MGAT4C: variants seen among roughly 807,000 people sequenced by gnomAD.
The protein encoded by MGAT4C is alpha-1,3-mannosyl-glycoprotein 4-beta-N-acetylglucosaminyltransferase C.
A neutral mutation model predicts 40.1 loss-of-function variants in MGAT4C; 19 were observed. The ratio of observed to expected loss-of-function variants is 0.47; its 90% CI spans 0.33 to 0.70. MGAT4C has a LOEUF of 0.70. MGAT4C is among the 30% of genes least tolerant of loss of function. The pLI, the probability that MGAT4C is intolerant of heterozygous loss-of-function variation, is 0.02. For missense variants in MGAT4C, 491 were observed against 563.2 expected, an observed-to-expected ratio of 0.87 and a Z score of 1.30; for synonymous variants, 181 against 187.1, an observed-to-expected ratio of 0.97 and a Z score of 0.27.
rs11103970 is a variant in MGAT4C, at chr12:86,490,312, C to A, written c.-228-55047G>T. ...GAATTTTCAACCCAGAATTTCATATCCAGGCAAACTAAGCTTCATAAGTGA... is the reference window on the plus strand; with the variant it reads ...GAATTTTCAACCCAGAATTTCATATACAGGCAAACTAAGCTTCATAAGTGA... On this transcript the variant is annotated intron_variant, in intron 2 of 7. Coordinates refer to the MGAT4C transcript ENST00000548651. Among the ~76,000 whole-genome samples, 601 of 152,046 alleles carry A rather than the reference C, an allele frequency of 4.0e-3. 3 individuals are homozygous for A. Among genetic ancestry groups the A allele is most frequent in the Non-Finnish European group, 7.1e-3 (485 of 67,980 alleles).
At chr12:86,757,391 T>G (rs1424636869) in intron 1 of MGAT4C, among the ~76,000 whole-genome samples, 1 of 152,128 alleles carries the variant, frequency 6.6e-6, no homozygotes, top group East Asian at 1.9e-4. Context: ...TAAATTACTA[T>G]ATTAAAAAAT....
intron 2 of MGAT4C, among the ~76,000 whole-genome samples, chr12:86,677,035 T>C (rs1457078919): frequency 1.3e-5 from 2 of 152,080 alleles, no homozygotes; most frequent in East Asian, 3.9e-4. Context: ...TGTTCACATT[T>C]AAGTGGCGGA....
At chr12:86,068,077 G>T (rs1277319156) in intron 1 of MGAT4C, 1 of 152,178 alleles carries the variant, frequency 6.6e-6, no homozygotes, top group East Asian at 1.9e-4. Flanking sequence ...ATCCACTTCA[G>T]TTAATTTGGA....
chr12:85,957,657 C>CAAAAAAA lies in MGAT4C; in HGVS notation c.*21625_*21631dup, dbSNP rs5799763. ...TTTACTGTAGAGTTGAATAAGAAAG[C>CAAAAAAA]AAAAAAAAAAAAAAAAGAAAAAAGA... On this transcript the variant is annotated 3_prime_UTR_variant, in exon 5 of 5. Transcript: ENST00000611864. 1.7e-3 allele frequency: 176 copies of CAAAAAAA among 100,914 alleles called. No individual in the cohort carries two copies. Among genetic ancestry groups the CAAAAAAA allele is most frequent in the East Asian group, 4.1e-3 (13 of 3,158 alleles). 6.3% of individuals were successfully genotyped at this position (100,914 alleles called of 1,614,324 possible).
intron 1 of MGAT4C, among the ~76,000 whole-genome samples, chr12:86,735,107 T>C (rs1003504851): frequency 2.0e-5 from 3 of 152,030 alleles, no homozygotes; most frequent in African/African-American, 4.8e-5. Flanking sequence ...GATGCTTTGC[T>C]ATTCAGGGAT....
chr12:86,221,815 C>G (rs1158822026), intron 1 of MGAT4C, among the ~76,000 whole-genome samples: 1 of 152,220 alleles, frequency 6.6e-6, no homozygotes, highest in Non-Finnish European at 1.5e-5. Flanking sequence ...GTCTGAATCT[C>G]TTCTGGTTCT....
At chr12:86,194,679 G>C (rs1010325225) in intron 1 of MGAT4C, among the ~76,000 whole-genome samples, 6 of 151,730 alleles carry the variant, frequency 4.0e-5, no homozygotes, top group African/African-American at 1.5e-4. Flanking sequence ...GGCCGTGATG[G>C]TCTTGAACTC....
Position 86,662,341 on chromosome 12 carries a change from G to C in MGAT4C, c.-229+64868C>G, listed in dbSNP as rs141794883. 1.6e-3 allele frequency among the ~76,000 whole-genome samples: 237 copies of C among 152,256 alleles called. 1 individual carries two copies. Among genetic ancestry groups the C allele is most frequent in the African/African-American group, 5.6e-3 (232 of 41,544 alleles). Reference sequence around the variant, plus strand: ...TTAGCACATAGTCTTGGCATGGCTTGGGGTGAAAAATTCATATGTGTTTAT... The same window carrying C: ...TTAGCACATAGTCTTGGCATGGCTTCGGGTGAAAAATTCATATGTGTTTAT... On this transcript the variant is annotated intron_variant, in intron 2 of 7. Transcript: ENST00000548651.
At chr12:86,326,161 A>G (rs35931577) in intron 4 of MGAT4C, among the ~76,000 whole-genome samples, 39,932 of 151,832 alleles carry the variant, frequency 0.26, 6,464 homozygotes, top group South Asian at 0.39. Flanking sequence ...TAAGCGGCCA[A>G]CAAATATTTA....
At chr12:86,122,714 T>C (rs944356780) in intron 1 of MGAT4C, among the ~76,000 whole-genome samples, 1 of 152,106 alleles carries the variant, frequency 6.6e-6, no homozygotes, top group Non-Finnish European at 1.5e-5. Context: ...AAAAGAGGGA[T>C]CAACAAAACA....
chr12:86,233,137 G>A (rs370462015), intron 1 of MGAT4C, among the ~76,000 whole-genome samples: 22 of 152,216 alleles, frequency 1.4e-4, no homozygotes, highest in East Asian at 5.8e-4. Flanking sequence ...GTAGTGTTAC[G>A]AATTTTGCAT....
chr12:86,748,299 T>C (rs899480683), intron 1 of MGAT4C, among the ~76,000 whole-genome samples: 3 of 151,606 alleles, frequency 2.0e-5, no homozygotes, highest in Non-Finnish European at 4.4e-5. Context: ...AATTGTATAA[T>C]TACCTTAAAA....
chr12:86,128,598 T>C (rs1161562858), intron 1 of MGAT4C, among the ~76,000 whole-genome samples: 2 of 152,268 alleles, frequency 1.3e-5, no homozygotes, highest in East Asian at 3.9e-4. Context: ...AACAGACTAA[T>C]AGGCATGACT....
At chr12:86,670,905 C>T (rs1172363138) in intron 2 of MGAT4C, among the ~76,000 whole-genome samples, 2 of 152,100 alleles carry the variant, frequency 1.3e-5, no homozygotes, top group Admixed American at 1.3e-4. Flanking sequence ...TGATTATTTT[C>T]GCATCACTCT....
chr12:85,979,059 T>G lies in MGAT4C; in HGVS notation c.*230A>C, dbSNP rs955531384. 1.3e-5 allele frequency: 4 copies of G among 317,776 alleles called. No homozygotes were observed. Among genetic ancestry groups the G allele is most frequent in the Middle Eastern group, 1.7e-3 (2 of 1,178 alleles). 19.7% of individuals were successfully genotyped at this position (317,776 alleles called of 1,614,324 possible). ...TTAAAACTAAGAACATTTAAAAATATAAATGAAAGTAGCATTAGCTATAGA... is the reference window on the plus strand; with the variant it reads ...TTAAAACTAAGAACATTTAAAAATAGAAATGAAAGTAGCATTAGCTATAGA... On this transcript the variant is annotated 3_prime_UTR_variant, in exon 5 of 5. Coordinates refer to ENST00000611864, the MANE Select transcript of MGAT4C (RefSeq NM_001351288.2).
At chr12:86,189,770 T>C (rs1283660723) in intron 1 of MGAT4C, among the ~76,000 whole-genome samples, 1 of 151,972 alleles carries the variant, frequency 6.6e-6, no homozygotes, top group Non-Finnish European at 1.5e-5. Flanking sequence ...GTACTGAAGT[T>C]GTGGAAAAAC....
intron 2 of MGAT4C, among the ~76,000 whole-genome samples, chr12:86,469,126 T>C (rs1203203878): frequency 1.3e-5 from 2 of 152,104 alleles, no homozygotes; most frequent in Non-Finnish European, 2.9e-5. Flanking sequence ...AAAAAGTATT[T>C]GTTGAAATAT....
intron 1 of MGAT4C, among the ~76,000 whole-genome samples, chr12:86,084,534 G>GT (rs1300400699): frequency 2.6e-5 from 4 of 151,666 alleles, no homozygotes; most frequent in Non-Finnish European, 4.4e-5. Flanking sequence ...ATTTGCAACT[G>GT]TTTTTTTAAA....
At chr12:86,769,466 A>C (rs548275091) in intron 1 of MGAT4C, among the ~76,000 whole-genome samples, 1 of 152,334 alleles carries the variant, frequency 6.6e-6, no homozygotes, top group African/African-American at 2.4e-5. Context: ...GCGATTCCTC[A>C]GGGATCTAGA....
Sources: allele counts gnomAD v4.1 joint callset (sites outside exome capture counted in the v4.1 genomes callset), GRCh38; gene constraint gnomAD v4.1.1; transcripts MANE v1.5; gene names NCBI Gene and HGNC (gene_info 2026-07-23, HGNC 2026-07-21).